Variants in SNX9 observed in about 807,000 individuals in gnomAD.
The protein encoded by SNX9 is sorting nexin-9.
In SNX9, 44 loss-of-function variants were observed where a neutral mutation model predicts 89.4. That is an observed-to-expected ratio of 0.49 (90% CI 0.39 to 0.63). The LOEUF (loss-of-function observed/expected upper bound fraction) is 0.63. Ranked by LOEUF, SNX9 falls within the 30% of genes least tolerant of loss-of-function variation. The pLI is 0.00. For missense variants in SNX9, 578 were observed against 736.1 expected (o/e 0.79, Z 2.49); for synonymous variants, 236 against 247.8 (o/e 0.95, Z 0.45).
At chr6:157,893,007 T>A (rs775527697) in intron 4 of SNX9, among the ~76,000 whole-genome samples, 6 of 152,240 alleles carry the variant, frequency 3.9e-5, no homozygotes, top group Non-Finnish European at 8.8e-5. Flanking sequence ...AGGCTGAGGC[T>A]GCTGTACCAA....
chr6:157,837,225 G>A (rs781487795), intron 1 of SNX9, among the ~76,000 whole-genome samples: 1 of 152,112 alleles, frequency 6.6e-6, no homozygotes, highest in Non-Finnish European at 1.5e-5. Flanking sequence ...TTGATTGATC[G>A]TTGGTATTAT....
chr6:157,928,666 A>G lies in SNX9; in HGVS notation c.1252A>G (p.Thr418Ala). Residue 418 changes from threonine to alanine, a missense_variant, in exon 12 of 18, where the codon ACG becomes GCG. Physicochemically the swap from Thr to Ala is moderately conservative, Grantham distance 58. Transcript: ENST00000392185. ...AMDDGVKELL[T>A]VGQEHWKRCT... is the part of the protein sequence containing the mutation. ...GGATGACGGCGTGAAGGAGCTGCTG[A>G]CGGTGGGGCAGGAGCACTGGAAGCG... The G allele has an allele frequency of 6.2e-7, 1 of 1,610,090 alleles. No homozygotes were observed. Among genetic ancestry groups the G allele is most frequent in the Non-Finnish European group, 8.5e-7 (1 of 1,178,324 alleles).
chr6:157,895,800 C>T (rs994203359), intron 4 of SNX9, among the ~76,000 whole-genome samples: 1 of 152,060 alleles, frequency 6.6e-6, no homozygotes, highest in Non-Finnish European at 1.5e-5. Flanking sequence ...GCACTAGGCC[C>T]CAGCAGACCA....
At chr6:157,893,760 T>A (rs1306041935) in intron 4 of SNX9, among the ~76,000 whole-genome samples, 4 of 152,216 alleles carry the variant, frequency 2.6e-5, no homozygotes, top group African/African-American at 9.7e-5. Flanking sequence ...AAACAGTGAT[T>A]CAAATGAAAA....
intron 1 of SNX9, among the ~76,000 whole-genome samples, chr6:157,827,859 A>G (rs1362865834): frequency 7.0e-6 from 1 of 142,240 alleles, no homozygotes; most frequent in Non-Finnish European, 1.5e-5. Flanking sequence ...GGAGTTCCTG[A>G]TGCTTTTTTT....
chr6:157,834,100 AG>A (rs562218709), intron 1 of SNX9, among the ~76,000 whole-genome samples: 6 of 134,938 alleles, frequency 4.4e-5, no homozygotes, highest in Non-Finnish European at 9.2e-5. Context: ...GGGTGACACC[AG>A]GGCTTGATCT....
chr6:157,857,172 T>G (rs1782029885), intron 1 of SNX9, among the ~76,000 whole-genome samples: 2 of 152,260 alleles, frequency 1.3e-5, no homozygotes, highest in African/African-American at 4.8e-5. Context: ...TCCATTGTGG[T>G]CATTATCCCT....
intron 1 of SNX9, among the ~76,000 whole-genome samples, chr6:157,840,655 GAA>G (rs1781687316): frequency 6.6e-6 from 1 of 152,096 alleles, no homozygotes. Context: ...GCCACACTAG[GAA>G]AATCCTGTGC....
intron 1 of SNX9, chr6:157,829,511 C>G (rs928678249): frequency 3.9e-5 from 6 of 152,186 alleles, no homozygotes; most frequent in African/African-American, 1.4e-4. Context: ...GTCCACTAGA[C>G]TTACTGTGCT....
At position 157,883,086 on chromosome 6, in the gene SNX9, A is replaced by G. The variant is rs562404975; in HGVS notation, c.300+7910A>G. Among the ~76,000 whole-genome samples, 45 of 152,050 alleles carry G rather than the reference A, an allele frequency of 3.0e-4. No homozygotes were observed. In the South Asian group the frequency reaches 8.1e-3, roughly 27 times the overall value. On this transcript the variant is annotated intron_variant, in intron 4 of 17. Coordinates refer to ENST00000392185, the MANE Select transcript of SNX9 (RefSeq NM_016224.5). ...GCCACCCCAACCTTCAGCAACCACC[A>G]CCCTGATCAGTCAGCAGTCATGAAC...
intron 10 of SNX9, 131 bp from the exon 11 acceptor site, chr6:157,926,980 G>C (rs1783706757): frequency 7.7e-6 from 5 of 653,138 alleles, no homozygotes; most frequent in Non-Finnish European, 1.4e-5. Context: ...GGTGCAGAGG[G>C]AGATAGAGTG....
chr6:157,918,466 C>T (rs751742376), intron 9 of SNX9, among the ~76,000 whole-genome samples: 2 of 152,160 alleles, frequency 1.3e-5, no homozygotes, highest in East Asian at 1.9e-4. Context: ...TTTTCCCATC[C>T]GTTTACTTTC....
In SNX9 at chr6:157,844,587, G is replaced by GTTTTTTTTTTTTTTT. The variant is rs1177648226; in HGVS notation, c.12+21153_12+21154insTTTTTTTTTTTTTTT. ...ATTTTTAATCTTGTGGCTAATCCTT[G>GTTTTTTTTTTTTTTT]TTTTTTTTTTTTGTTTTTTTTTTTG... On this transcript the variant is annotated intron_variant, in intron 1 of 17. Transcript: ENST00000392185. 7.1e-4 allele frequency among the ~76,000 whole-genome samples: 92 copies of GTTTTTTTTTTTTTTT among 130,282 alleles called. 1 individual carries two copies. Among genetic ancestry groups the GTTTTTTTTTTTTTTT allele is most frequent in the Non-Finnish European group, 9.5e-4 (59 of 61,884 alleles). The allele number at this position is 130,282 out of a possible 152,430, so 85.5% of individuals were successfully genotyped here.
In SNX9 at chr6:157,847,405, G is replaced by A. The variant is rs528131643; in HGVS notation, c.13-20142G>A. Among the ~76,000 whole-genome samples, 9 of 152,206 alleles carry A rather than the reference G, an allele frequency of 5.9e-5. No homozygotes were observed. The East Asian group carries it at 1.5e-3, about 26-fold the overall frequency. On this transcript the variant is annotated intron_variant, in intron 1 of 17. Transcript: ENST00000392185. The stretch of plus-strand genomic sequence containing the variant: ...GTTGTGAGCCACTGCGCCCAGCCTT[G>A]TAGTACTTATTTTAAAAAGACCAAG...
At chr6:157,841,908 G>A (rs75993332) in intron 1 of SNX9, among the ~76,000 whole-genome samples, 1,839 of 152,184 alleles carry the variant, frequency 0.012, 40 homozygotes, top group African/African-American at 0.042. Context: ...AAGTAGAACA[G>A]CACAGTGACA....
At chr6:157,905,649 C>T (rs1451079848) in intron 6 of SNX9, among the ~76,000 whole-genome samples, 4 of 150,672 alleles carry the variant, frequency 2.7e-5, no homozygotes, top group Non-Finnish European at 4.4e-5. Context: ...AAGAAACAAG[C>T]ACATATGCTG....
chr6:157,927,735 T>C, intron 11 of SNX9, among the ~76,000 whole-genome samples: 1 of 143,326 alleles, frequency 7.0e-6, no homozygotes, highest in African/African-American at 2.6e-5. Context: ...TTTTTTTTTT[T>C]TTTTTTTTTG....
intron 1 of SNX9, among the ~76,000 whole-genome samples, chr6:157,852,941 TAA>T (rs1781942453): frequency 6.6e-6 from 1 of 152,196 alleles, no homozygotes; most frequent in African/African-American, 2.4e-5. Flanking sequence ...GTTATTGTTT[TAA>T]AAGTCAGTTA....
At chr6:157,839,128 C>T (rs1446526761) in intron 1 of SNX9, among the ~76,000 whole-genome samples, 1 of 152,144 alleles carries the variant, frequency 6.6e-6, no homozygotes, top group Non-Finnish European at 1.5e-5. Context: ...TACTTAAAAA[C>T]GCTGGACTTC....
Sources: allele counts gnomAD v4.1 joint callset (sites outside exome capture counted in the v4.1 genomes callset), GRCh38; gene constraint gnomAD v4.1.1; transcripts MANE v1.5; gene names NCBI Gene and HGNC (gene_info 2026-07-23, HGNC 2026-07-21).